The following HIVEP2 variants were observed in gnomAD, a reference collection of about 807,000 sequenced individuals.
HIVEP2 encodes HIVEP zinc finger 2, also known as transcription factor HIVEP2.
In HIVEP2, 14 loss-of-function variants were observed where a neutral mutation model predicts 180.7. That is an observed-to-expected ratio of 0.08 (90% CI 0.05 to 0.12). The LOEUF is 0.12. Ranked by LOEUF, HIVEP2 falls within the 10% of genes least tolerant of loss-of-function variation. The pLI, the probability that HIVEP2 is intolerant of heterozygous loss-of-function variation, is 1.00. For missense variants in HIVEP2, 2,579 were observed against 3,008.5 expected, an observed-to-expected ratio of 0.86 and a Z score of 3.34; for synonymous variants, 1,184 against 1,136.4, an observed-to-expected ratio of 1.04 and a Z score of -0.84.
chr6:142,792,569 G>A (rs980669441), intron 2 of HIVEP2, among the ~76,000 whole-genome samples: 55 of 152,174 alleles, frequency 3.6e-4, no homozygotes, highest in African/African-American at 1.3e-3. Context: ...GGGTGGTGGA[G>A]GACAAGGGGA....
chr6:142,923,011 T>A (rs1777719723), intron 1 of HIVEP2, among the ~76,000 whole-genome samples: 1 of 152,224 alleles, frequency 6.6e-6, no homozygotes, highest in African/African-American at 2.4e-5. Flanking sequence ...TAAATAATTA[T>A]ACCACTAATA....
At chr6:142,887,665 T>C (rs561957177) in intron 1 of HIVEP2, among the ~76,000 whole-genome samples, 2 of 152,188 alleles carry the variant, frequency 1.3e-5, no homozygotes, top group Non-Finnish European at 2.9e-5. Flanking sequence ...AACAGAACAA[T>C]TGTTTTTTGT....
intron 1 of HIVEP2, among the ~76,000 whole-genome samples, chr6:142,940,024 A>G (rs1184249765): frequency 6.6e-6 from 1 of 152,212 alleles, no homozygotes; most frequent in Non-Finnish European, 1.5e-5. Flanking sequence ...AATCAGAACT[A>G]AATTTCTCCA....
chr6:142,861,566 T>C (rs926823467), intron 1 of HIVEP2, among the ~76,000 whole-genome samples: 1 of 152,178 alleles, frequency 6.6e-6, no homozygotes, highest in African/African-American at 2.4e-5. Flanking sequence ...TACACATTTT[T>C]CCCATCCGAC....
chr6:142,824,807 G>A (rs910015562), intron 2 of HIVEP2, among the ~76,000 whole-genome samples: 3 of 152,136 alleles, frequency 2.0e-5, no homozygotes, highest in African/African-American at 7.2e-5. Context: ...ATACCAGTGA[G>A]TGATAACACA....
chr6:142,876,910 G>A (rs78299113), intron 1 of HIVEP2, among the ~76,000 whole-genome samples: 3 of 152,044 alleles, frequency 2.0e-5, no homozygotes, highest in Non-Finnish European at 2.9e-5. Context: ...TTAGTTGAGC[G>A]TGGTGGCATG....
At chr6:142,925,759 T>C (rs1343091802) in intron 1 of HIVEP2, among the ~76,000 whole-genome samples, 1 of 152,230 alleles carries the variant, frequency 6.6e-6, no homozygotes, top group Non-Finnish European at 1.5e-5. Context: ...TCAGTTTAAC[T>C]TAAACATGTA....
At chr6:142,944,190 G>A (rs1168606802) in intron 1 of HIVEP2, among the ~76,000 whole-genome samples, 1 of 152,114 alleles carries the variant, frequency 6.6e-6, no homozygotes, top group African/African-American at 2.4e-5. Context: ...GACGCTTCCT[G>A]ACCTTCTATC....
chr6:142,883,945 A>G (rs1776636190), intron 1 of HIVEP2, among the ~76,000 whole-genome samples: 1 of 152,148 alleles, frequency 6.6e-6, no homozygotes, highest in Admixed American at 6.6e-5. Context: ...TGTAGGTAAC[A>G]TTTATAGTGA....
At position 142,760,610 on chromosome 6, in the gene HIVEP2, G is replaced by A. The variant is rs1775205037; in HGVS notation, c.5678C>T (p.Thr1893Ile). The A allele has an allele frequency of 5.6e-6, 9 of 1,613,634 alleles. No individual in the cohort carries two copies. The highest frequency in any genetic ancestry group is 6.8e-6 in the Non-Finnish European group (8 of 1,179,672). The change falls in exon 9 of 10, where the codon ACT becomes ATT. Residue 1893 changes from threonine (T) to isoleucine (I), a missense_variant. Physicochemically the swap from Thr to Ile is moderately conservative, Grantham distance 89. Coordinates refer to ENST00000367603, the MANE Select transcript of HIVEP2 (RefSeq NM_006734.4). Reference protein sequence around the residue: ...AEKHSMSSISTDHQFSDAEES... With the variant: ...AEKHSMSSISIDHQFSDAEES... ...CTCAGCATCGGAGAACTGATGATCAGTTGAAATGCTGGACATGCTATGCTT... is the reference window on the plus strand; with the variant it reads ...CTCAGCATCGGAGAACTGATGATCAATTGAAATGCTGGACATGCTATGCTT...
At chr6:142,784,685 T>C (rs1406537219) in intron 2 of HIVEP2, among the ~76,000 whole-genome samples, 1 of 152,154 alleles carries the variant, frequency 6.6e-6, no homozygotes, top group Non-Finnish European at 1.5e-5. Context: ...AAATGCTAGA[T>C]TTATTTTCTT....
intron 6 of HIVEP2, among the ~76,000 whole-genome samples, chr6:142,767,089 C>T (rs374763601): frequency 5.9e-5 from 9 of 152,166 alleles, no homozygotes; most frequent in Admixed American, 1.3e-4. Flanking sequence ...TGTTCACATA[C>T]GCTTTTTCAC....
chr6:142,944,315 A>G (rs1329478253), intron 1 of HIVEP2, among the ~76,000 whole-genome samples: 1 of 149,502 alleles, frequency 6.7e-6, no homozygotes, highest in Non-Finnish European at 1.5e-5. Flanking sequence ...TATAAAGCGC[A>G]CCGATCTGTG....
At chr6:142,835,949 A>G (rs189595696) in intron 2 of HIVEP2, among the ~76,000 whole-genome samples, 45 of 152,322 alleles carry the variant, frequency 3.0e-4, no homozygotes, top group African/African-American at 1.0e-3. Context: ...AGCAGACACT[A>G]TTAGTGGGTT....
intron 1 of HIVEP2, among the ~76,000 whole-genome samples, chr6:142,920,800 A>G (rs1777665689): frequency 1.3e-5 from 2 of 152,018 alleles, no homozygotes; most frequent in African/African-American, 4.8e-5. Context: ...TAAGCAACAT[A>G]GGGAGAACCC....
At chr6:142,786,371 G>A (rs1341894353) in intron 2 of HIVEP2, among the ~76,000 whole-genome samples, 2 of 152,148 alleles carry the variant, frequency 1.3e-5, no homozygotes, top group African/African-American at 4.8e-5. Flanking sequence ...TAGTGCTAAT[G>A]AATCTTGATA....
chr6:142,924,670 A>C (rs540925122), intron 1 of HIVEP2, among the ~76,000 whole-genome samples: 3 of 152,240 alleles, frequency 2.0e-5, no homozygotes, highest in Non-Finnish European at 4.4e-5. Context: ...TATGCCCAAA[A>C]GTAGATATAT....
intron 2 of HIVEP2, among the ~76,000 whole-genome samples, chr6:142,798,581 G>A (rs898084067): frequency 2.6e-5 from 4 of 152,126 alleles, no homozygotes; most frequent in Non-Finnish European, 5.9e-5. Context: ...GTTGTACAGT[G>A]TTTCGCCTGG....
intron 2 of HIVEP2, among the ~76,000 whole-genome samples, chr6:142,796,409 A>T (rs566035876): frequency 6.6e-6 from 1 of 152,314 alleles, no homozygotes; most frequent in Middle Eastern, 3.4e-3. Context: ...GCAGTGGATG[A>T]ACACATATTT....
Sources: gnomAD v4.1 joint callset for allele counts (sites outside exome capture counted in the v4.1 genomes callset) on GRCh38, gnomAD v4.1.1 for gene constraint, MANE v1.5 for transcripts, NCBI Gene and HGNC (gene_info 2026-07-23, HGNC 2026-07-21) for gene names.